Variants in TWF2 observed in about 807,000 individuals in gnomAD.
TWF2 encodes twinfilin actin binding protein 2, also known as twinfilin-2.
Under a neutral mutation model 45.1 loss-of-function variants are expected in TWF2, and 15 were observed. The observed-to-expected ratio is 0.33, with a 90% CI of 0.22 to 0.51. The LOEUF (loss-of-function observed/expected upper bound fraction) is 0.51. Among genes scored for constraint, TWF2 ranks in the 20% least tolerant of loss-of-function variants. The pLI is 0.97. For synonymous variants in TWF2, 177 were observed against 195.8 expected, an observed-to-expected ratio of 0.90 and a Z score of 0.80; for missense variants, 423 against 469.1, an observed-to-expected ratio of 0.90 and a Z score of 0.91.
chr3:52,235,030 G>A lies in TWF2; in HGVS notation c.102C>T (p.Asp34=), dbSNP rs368387861. Residue 34 remains aspartate, a splice_region_variant and synonymous_variant, in exon 2 of 9, where the codon GAC becomes GAT. Transcript: ENST00000305533. ...SVRLIKVVIE[D]EQLVLGASQE... Reference sequence around the variant, plus strand: ...CCCTGGCCTGTGAGGGGCACTCACCGTCCTCAATCACAACCTTGATGAGCC... The same window carrying A: ...CCCTGGCCTGTGAGGGGCACTCACCATCCTCAATCACAACCTTGATGAGCC... 2.5e-5 allele frequency: 41 copies of A among 1,613,490 alleles called. No individual in the cohort carries two copies. The highest frequency in any genetic ancestry group is 4.4e-5 in the South Asian group (4 of 91,072).
chr3:52,235,234 A>C, intron 1 of TWF2, 128 bp from the exon 2 acceptor site: 2 of 879,120 alleles, frequency 2.3e-6, no homozygotes, highest in Non-Finnish European at 3.5e-6. Context: ...CCCCCATGTG[A>C]CTGGGAACCT....
In TWF2 at chr3:52,230,859, C is replaced by G. The variant is rs1332884477; in HGVS notation, c.609+11G>C. On this transcript the variant is annotated intron_variant, in intron 6 of 8. Transcript: ENST00000305533. Reference sequence around the variant, plus strand: ...TGGCAGCATGTGCCAGGGTAGGGAGCAGGCACCCACCATCTGGATGTAGTT... The same window carrying G: ...TGGCAGCATGTGCCAGGGTAGGGAGGAGGCACCCACCATCTGGATGTAGTT... 3.1e-6 allele frequency: 5 copies of G among 1,609,814 alleles called. No individual in the cohort carries two copies. The highest frequency in any genetic ancestry group is 4.2e-6 in the Non-Finnish European group (5 of 1,178,124).
At position 52,239,107 on chromosome 3, in the gene TWF2, T is replaced by C; in HGVS notation, c.-91A>G. 3 of 1,456,988 alleles carry C rather than the reference T, an allele frequency of 2.1e-6. No homozygotes were observed. Among genetic ancestry groups the C allele is most frequent in the East Asian group, 2.8e-5 (1 of 35,676 alleles). 90.3% of individuals were successfully genotyped at this position (1,456,988 alleles called of 1,614,324 possible). ...GCTGGACCAAGAGAGGTGGAGGATG[T>C]GGCGGAGGCTGTCGACCCTCGCGCA... On this transcript the variant is annotated 5_prime_UTR_variant, in exon 1 of 9. Coordinates refer to ENST00000305533, the MANE Select transcript of TWF2 (RefSeq NM_007284.4).
intron 2 of TWF2, 124 bp from the exon 3 acceptor site, chr3:52,232,246 G>A (rs1231347278): frequency 8.2e-7 from 1 of 1,221,160 alleles, no homozygotes; most frequent in South Asian, 1.6e-5. Flanking sequence ...ACCTTCCCTG[G>A]AGCCCCCAGG....
intron 1 of TWF2, 53 bp downstream of exon 1, chr3:52,238,939 C>G (rs942045932): frequency 5.8e-6 from 8 of 1,373,968 alleles, no homozygotes; most frequent in East Asian, 2.5e-5. Flanking sequence ...CGGGGGGGGG[C>G]GCTTCCGAGA....
intron 1 of TWF2, 63 bp downstream of exon 1, chr3:52,238,929 C>CGGGGGGGGGGCGGGGCCGAGAGCCG: frequency 8.5e-7 from 1 of 1,177,400 alleles, no homozygotes. Flanking sequence ...GGCCGAGAGC[C>CGGGGGGGGGGCGGGGCCGAGAGCCG]GGGGGGGGGC....
rs747822640 is a variant in TWF2 at position 52,232,016 on chromosome 3, G to C, written c.210C>G (p.Leu70=). The C allele has an allele frequency of 2.5e-6, 4 of 1,614,100 alleles. 1 individual carries two copies. The highest frequency in any genetic ancestry group is 2.2e-5 in the South Asian group (2 of 91,088). The change falls in exon 3 of 9, where the codon CTC becomes CTG. Residue 70 remains leucine (L), a synonymous_variant. Transcript: ENST00000305533. ...LLDAQQPCYL[L]YRLDSQNAQG... ...GAGCATTCTGTGAGTCGAGGCGGTA[G>C]AGCAGGTAGCAGGGCTGCTGGGCGT...
intron 1 of TWF2, among the ~76,000 whole-genome samples, chr3:52,236,847 G>A (rs900224457): frequency 1.5e-4 from 23 of 151,996 alleles, no homozygotes; most frequent in African/African-American, 4.8e-4. Flanking sequence ...ACTTTCCATC[G>A]GCAGATCCCA....
chr3:52,229,029 G>C lies in TWF2; in HGVS notation c.*5C>G. The C allele has an allele frequency of 6.2e-7, 1 of 1,610,650 alleles. No individual in the cohort carries two copies. The highest frequency in any genetic ancestry group is 8.5e-7 in the Non-Finnish European group (1 of 1,179,368). ...TCCACACGTGGCCGGCCCTGCTCCA[G>C]CCTCCTAGCTGTCATCCCCATTTTC... is the stretch of plus-strand genomic sequence containing the variant. On this transcript the variant is annotated 3_prime_UTR_variant, in exon 9 of 9. Transcript: ENST00000305533.
rs377061100 is a variant in TWF2 at position 52,232,083 on chromosome 3, C to T, written c.143G>A (p.Arg48His). 216 of 1,611,910 alleles carry T rather than the reference C, an allele frequency of 1.3e-4. No individual in the cohort carries two copies. The highest frequency in any genetic ancestry group is 2.6e-5 in the Non-Finnish European group (31 of 1,179,096). Residue 48 changes from arginine (R) to histidine (H), a missense_variant, in exon 3 of 9, where the codon CGC (arginine) becomes CAC (histidine). Arg to His is a conservative substitution (Grantham distance 29). Coordinates refer to ENST00000305533, the MANE Select transcript of TWF2 (RefSeq NM_007284.4). The stretch of plus-strand genomic sequence containing the variant: ...GGCCCTGTCATAGTCCTGATCCCAG[C>T]GGCCTACTGGCTCCTGCGAGGCACC... ...VLGASQEPVG[R>H]WDQDYDRAVL... is the part of the protein sequence containing the mutation.
intron 1 of TWF2, among the ~76,000 whole-genome samples, chr3:52,236,624 CG>C (rs1330968977): frequency 1.3e-5 from 2 of 151,902 alleles, no homozygotes; most frequent in Admixed American, 6.6e-5. Context: ...AACTCAGGGG[CG>C]GGGGGGCCTT....
At position 52,233,372 on chromosome 3, in the gene TWF2, G is replaced by A. The variant is rs1218834233; in HGVS notation, c.104-1250C>T. ...AGTCACAGTGACTTTGAGTAGTCAC[G>A]GCCTGTGTTGGCCCCTACAGCACTG... On this transcript the variant is annotated intron_variant, in intron 2 of 8. Transcript: ENST00000305533. Among the ~76,000 whole-genome samples, 4 of 152,154 alleles carry A rather than the reference G, an allele frequency of 2.6e-5. No homozygotes were observed. The East Asian group carries it at 5.8e-4, about 22-fold the overall frequency.
intron 2 of TWF2, among the ~76,000 whole-genome samples, chr3:52,233,086 C>A (rs1222706784): frequency 6.6e-6 from 1 of 152,254 alleles, no homozygotes. Flanking sequence ...CCTGCTAGCT[C>A]CTTGGCTGAA....
chr3:52,233,345 A>G (rs987849323), intron 2 of TWF2, among the ~76,000 whole-genome samples: 13 of 152,254 alleles, frequency 8.5e-5, no homozygotes, highest in African/African-American at 3.1e-4. Context: ...AGACAGGATC[A>G]CAGTCACAGT....
Position 52,235,019 on chromosome 3 carries a change from G to A in TWF2, c.103+10C>T, listed in dbSNP as rs756953903. 15 of 1,613,154 alleles carry A rather than the reference G, an allele frequency of 9.3e-6. No individual in the cohort carries two copies. The South Asian group carries it at 1.6e-4, about 18-fold the overall frequency. On this transcript the variant is annotated intron_variant, in intron 2 of 8. Transcript: ENST00000305533. Reference sequence around the variant, plus strand: ...CCAAGCCTATACCCTGGCCTGTGAGGGGCACTCACCGTCCTCAATCACAAC... The same window carrying A: ...CCAAGCCTATACCCTGGCCTGTGAGAGGCACTCACCGTCCTCAATCACAAC...
chr3:52,231,320 T>C (rs1577985396), intron 4 of TWF2, 89 bp from the exon 5 acceptor site: 3 of 1,576,700 alleles, frequency 1.9e-6, no homozygotes, highest in Non-Finnish European at 2.6e-6. Context: ...CTTGCAGCCC[T>C]TGGACTCCCC....
chr3:52,229,869 G>A, intron 7 of TWF2, 51 bp downstream of exon 7: 3 of 1,595,400 alleles, frequency 1.9e-6, no homozygotes, highest in Non-Finnish European at 2.6e-6. Context: ...CTGCAGACCA[G>A]CCCTGCTCCC....
intron 6 of TWF2, among the ~76,000 whole-genome samples, 175 bp downstream of exon 6, chr3:52,230,695 T>G (rs1370346270): frequency 6.6e-6 from 1 of 151,204 alleles, no homozygotes; most frequent in Non-Finnish European, 1.5e-5. Flanking sequence ...CCAGGCGGAA[T>G]AGGTAGGGAT....
intron 2 of TWF2, among the ~76,000 whole-genome samples, chr3:52,234,214 A>G (rs1217666678): frequency 2.6e-5 from 4 of 152,198 alleles, no homozygotes; most frequent in Non-Finnish European, 4.4e-5. Context: ...CCATTCAGGC[A>G]GCCATCCAAA....
Sources: allele counts gnomAD v4.1 joint callset (sites outside exome capture counted in the v4.1 genomes callset), GRCh38; gene constraint gnomAD v4.1.1; transcripts MANE v1.5; gene names NCBI Gene and HGNC (gene_info 2026-07-23, HGNC 2026-07-21).